The following ERAP2 variants were observed in gnomAD, a reference collection of about 807,000 sequenced individuals.
ERAP2 encodes the protein endoplasmic reticulum aminopeptidase 2.
A neutral mutation model predicts 111.1 loss-of-function variants in ERAP2; 118 were observed. The ratio of observed to expected loss-of-function variants is 1.06; its 90% confidence interval spans 0.92 to 1.24. The LOEUF (loss-of-function observed/expected upper bound fraction) is 1.24, where lower values mean the gene tolerates loss of function less well. Ranked by LOEUF, ERAP2 falls within the 50% of genes most tolerant of loss-of-function variation. The pLI, the probability that ERAP2 is intolerant of heterozygous loss-of-function variation, is 0.00. For synonymous variants in ERAP2, 410 were observed against 401.2 expected, an observed-to-expected ratio of 1.02 and a Z score of -0.26; for missense variants, 1,131 against 1,125.8, an observed-to-expected ratio of 1.00 and a Z score of -0.07.
intron 9 of ERAP2, 82 bp from the exon 10 acceptor site, chr5:96,900,039 A>G: frequency 6.8e-7 from 1 of 1,469,238 alleles, no homozygotes; most frequent in East Asian, 2.3e-5. Context: ...CTTTTAATAA[A>G]TGCCTGCATC....
At chr5:96,903,267 C>A in intron 12 of ERAP2, 110 bp from the exon 13 acceptor site, 1 of 865,162 alleles carries the variant, frequency 1.2e-6, no homozygotes, top group Non-Finnish European at 1.7e-6. Flanking sequence ...TCTCCCCAAA[C>A]TTCATCTTCC....
At position 96,892,427 on chromosome 5, in the gene ERAP2, G is replaced by C. The variant is rs770840038; in HGVS notation, c.1099G>C (p.Val367Leu). 2 of 1,613,876 alleles carry C rather than the reference G, an allele frequency of 1.2e-6. No individual in the cohort carries two copies. Among genetic ancestry groups the C allele is most frequent in the Non-Finnish European group, 8.5e-7 (1 of 1,179,932 alleles). The change falls in exon 6 of 19, where the codon GTC (valine) becomes CTC (leucine). Residue 367 changes from valine (V) to leucine (L), a missense_variant. Physicochemically the swap from Val to Leu is conservative, Grantham distance 32 (BLOSUM62 1). Transcript: ENST00000437043. ...SASDKLWVTR[V>L]IAHELAHQWF... ...TTCCGATAAACTGTGGGTCACCAGA[G>C]TCATAGCCCATGAACTGGCGCACCA...
chr5:96,901,777 T>G (rs1255114929), intron 11 of ERAP2, 96 bp downstream of exon 11: 1 of 1,249,184 alleles, frequency 8.0e-7, no homozygotes, highest in Non-Finnish European at 1.1e-6. Flanking sequence ...CTTTGTAGGA[T>G]GCTAGTTCCA....
chr5:96,896,241 A>C, intron 7 of ERAP2, 132 bp from the exon 8 acceptor site: 1 of 694,572 alleles, frequency 1.4e-6, no homozygotes, highest in Non-Finnish European at 2.3e-6. Flanking sequence ...TACATACAAG[A>C]AAAGAAACAT....
Position 96,909,646 on chromosome 5 carries a change from T to C in ERAP2, c.2236T>C (p.Trp746Arg), listed in dbSNP as rs1437138510. 1 of 1,614,196 alleles carries C rather than the reference T, an allele frequency of 6.2e-7. No homozygotes were observed. The highest frequency in any genetic ancestry group is 1.7e-5 in the Admixed American group (1 of 60,020). ...AAGCTGGAGTGACAAGGGCTCAGTC[T>C]GGGACAGGATGCTCCGCTCGGCTCT... ...RQSWSDKGSV[W>R]DRMLRSALLK... is the part of the protein sequence containing the mutation. The change falls in exon 15 of 19, where the codon TGG becomes CGG. Residue 746 changes from tryptophan to arginine, a missense_variant. By Grantham distance (101) the Trp-to-Arg change is moderately radical. Coordinates refer to ENST00000437043, the MANE Select transcript of ERAP2 (RefSeq NM_022350.5).
chr5:96,904,498 G>A (rs1020463841), intron 13 of ERAP2, among the ~76,000 whole-genome samples: 2 of 152,216 alleles, frequency 1.3e-5, no homozygotes, highest in African/African-American at 2.4e-5. Flanking sequence ...AAAAGAGGAA[G>A]TGAGGCTTAA....
At chr5:96,915,874 A>T (rs1787322144) in intron 18 of ERAP2, 105 bp downstream of exon 18, 1 of 1,038,034 alleles carries the variant, frequency 9.6e-7, no homozygotes, top group East Asian at 2.7e-5. Context: ...TTTAGTTTTT[A>T]AAAAAGTTGT....
At chr5:96,917,385 T>TGGGGGG in intron 18 of ERAP2, 77 bp from the exon 19 acceptor site, 1 of 1,436,004 alleles carries the variant, frequency 7.0e-7, no homozygotes, top group African/African-American at 1.4e-5. Flanking sequence ...CCTCCCGAAG[T>TGGGGGG]GCTGGGATTA....
At chr5:96,882,172 G>A (rs1171763916) in intron 2 of ERAP2, among the ~76,000 whole-genome samples, 1 of 152,212 alleles carries the variant, frequency 6.6e-6, no homozygotes, top group Non-Finnish European at 1.5e-5. Flanking sequence ...GCTCAGCACA[G>A]TATTGGATAG....
rs375509722 is a variant in ERAP2 at position 96,913,703 on chromosome 5, C to T, written c.2657+246C>T. On this transcript the variant is annotated intron_variant, in intron 17 of 18. Transcript: ENST00000437043. Reference sequence around the variant, plus strand: ...AGTCCAGGCAAGAAACCACTGGCATCAAGTCCGAGTTGAATTAAATGCAGT... The same window carrying T: ...AGTCCAGGCAAGAAACCACTGGCATTAAGTCCGAGTTGAATTAAATGCAGT... Among the ~76,000 whole-genome samples, 77 of 152,338 alleles carry T rather than the reference C, an allele frequency of 5.1e-4. No homozygotes were observed. In the Middle Eastern group the frequency reaches 0.01, roughly 20 times the overall value.
rs755218515 is a variant in ERAP2, at chr5:96,909,775, A to G, written c.2354+11A>G. On this transcript the variant is annotated intron_variant, in intron 15 of 18. Coordinates refer to ENST00000437043, the MANE Select transcript of ERAP2 (RefSeq NM_022350.5). ...CAGTGGAAAATTAAAGTAGATGTAG[A>G]CTTCTGTCCTACCCTTTGTTCTTTT... 8.1e-6 allele frequency: 13 copies of G among 1,612,490 alleles called. No homozygotes were observed. The highest frequency in any genetic ancestry group is 1.0e-5 in the Non-Finnish European group (12 of 1,178,904).
At chr5:96,900,301 A>C in intron 10 of ERAP2, 112 bp downstream of exon 10, 1 of 1,448,392 alleles carries the variant, frequency 6.9e-7, no homozygotes, top group African/African-American at 1.4e-5. Context: ...GGAGAGAAAG[A>C]GAGCCCCCAC....
At chr5:96,895,455 AATGT>A in intron 7 of ERAP2, 96 bp downstream of exon 7, 3 of 888,734 alleles carry the variant, frequency 3.4e-6, no homozygotes, top group Non-Finnish European at 5.4e-6. Context: ...AAAACTACAT[AATGT>A]TGTGGTTTTT....
At chr5:96,900,306 C>A (rs1561383979) in intron 10 of ERAP2, 117 bp downstream of exon 10, 1 of 1,419,620 alleles carries the variant, frequency 7.0e-7, no homozygotes, top group South Asian at 1.7e-5. Flanking sequence ...GAAAGAGAGC[C>A]CCCACGATTT....
chr5:96,903,895 T>C (rs1420713969), intron 13 of ERAP2, among the ~76,000 whole-genome samples: 9 of 152,212 alleles, frequency 5.9e-5, no homozygotes, highest in Non-Finnish European at 1.3e-4. Context: ...AAACTCTCTT[T>C]AGGCCAGGCC....
intron 11 of ERAP2, 89 bp from the exon 12 acceptor site, chr5:96,902,185 G>T (rs1411608950): frequency 2.3e-6 from 2 of 852,666 alleles, no homozygotes; most frequent in African/African-American, 1.7e-5. Context: ...GGGTACTTAG[G>T]TGCCTTTTAC....
At chr5:96,904,929 G>A (rs1785881176) in intron 13 of ERAP2, among the ~76,000 whole-genome samples, 1 of 152,130 alleles carries the variant, frequency 6.6e-6, no homozygotes, top group Non-Finnish European at 1.5e-5. Flanking sequence ...ATTTCAAGAA[G>A]ATTTCAGGTA....
Position 96,911,866 on chromosome 5 carries a change from C to CA in ERAP2, c.2355-756dup, listed in dbSNP as rs386358295. On this transcript the variant is annotated intron_variant, in intron 15 of 18. Coordinates refer to ENST00000437043, the MANE Select transcript of ERAP2 (RefSeq NM_022350.5). ...TGAACAACAGAGTAAGACCCTGTCTCAAAAAAAAAAAAAAAGAAAGAAAGA... is the reference window on the plus strand; with the variant it reads ...TGAACAACAGAGTAAGACCCTGTCTCAAAAAAAAAAAAAAAAGAAAGAAAGA... 0.013 allele frequency among the ~76,000 whole-genome samples: 739 copies of CA among 56,638 alleles called. 55 individuals carry two copies. In the East Asian group the frequency reaches 0.13, roughly 10 times the overall value. The allele number at this position is 56,638 out of a possible 152,430, so 37.2% of individuals were successfully genotyped here. A position where few individuals can be genotyped will look rare whatever the true frequency, so the allele number is the denominator to read the frequency against.
rs760413838 is a variant in ERAP2 at position 96,896,434 on chromosome 5, G to A, written c.1301G>A (p.Arg434His). 7.4e-6 allele frequency: 12 copies of A among 1,613,000 alleles called. No individual in the cohort carries two copies. Among genetic ancestry groups the A allele is most frequent in the African/African-American group, 5.3e-5 (4 of 74,942 alleles). ...ACAAAAGATTCATTGAATTCATCCC[G>A]CCCTATCTCCAAACCAGCGGAAACC... ...VITKDSLNSS[R>H]PISKPAETPT... Residue 434 changes from arginine to histidine, a missense_variant, in exon 8 of 19, where the codon CGC becomes CAC. Transcript: ENST00000437043.
Sources: allele counts gnomAD v4.1 joint callset (sites outside exome capture counted in the v4.1 genomes callset), GRCh38; gene constraint gnomAD v4.1.1; transcripts MANE v1.5; gene names NCBI Gene and HGNC (gene_info 2026-07-23, HGNC 2026-07-21).